Variants in ROR1 observed in about 807,000 individuals in gnomAD.
The protein encoded by ROR1 is inactive tyrosine-protein kinase transmembrane receptor ROR1.
A neutral mutation model predicts 78.8 loss-of-function variants in ROR1; 19 were observed. The ratio of observed to expected loss-of-function variants is 0.24; its 90% CI spans 0.17 to 0.35. The LOEUF (loss-of-function observed/expected upper bound fraction) is 0.35, where lower values mean the gene tolerates loss of function less well. Among genes scored for constraint, ROR1 ranks in the 10% least tolerant of loss-of-function variants. The probability of loss-of-function intolerance (pLI) is 1.00; values close to 1 mark genes in which losing one functional copy is unlikely to be tolerated. For synonymous variants in ROR1, 386 were observed against 433.6 expected (o/e 0.89, Z 1.36); for missense variants, 917 against 1,177.8 (o/e 0.78, Z 3.24).
intron 1 of ROR1, among the ~76,000 whole-genome samples, chr1:63,836,467 C>G (rs1007556070): frequency 6.6e-6 from 1 of 152,064 alleles, no homozygotes; most frequent in Non-Finnish European, 1.5e-5. Context: ...TTTTCCTATA[C>G]CCAGTTTCTT....
chr1:64,087,490 A>AC (rs1270701260), intron 4 of ROR1, among the ~76,000 whole-genome samples: 32 of 152,198 alleles, frequency 2.1e-4, no homozygotes, highest in Admixed American at 1.9e-3. Context: ...GCCACCAGGG[A>AC]CCCTGGTAAC....
intron 4 of ROR1, among the ~76,000 whole-genome samples, chr1:64,093,629 C>T (rs1466565916): frequency 6.6e-6 from 1 of 152,018 alleles, no homozygotes; most frequent in Non-Finnish European, 1.5e-5. Flanking sequence ...CTAGGGAACC[C>T]TTGGCCTCCC....
intron 4 of ROR1, among the ~76,000 whole-genome samples, chr1:64,053,344 A>C (rs1471144477): frequency 6.6e-6 from 1 of 152,206 alleles, no homozygotes; most frequent in Non-Finnish European, 1.5e-5. Context: ...CCTTGGGACT[A>C]TGGCCCAGAA....
At chr1:63,842,853 C>G (rs904577511) in intron 1 of ROR1, among the ~76,000 whole-genome samples, 1 of 151,392 alleles carries the variant, frequency 6.6e-6, no homozygotes, top group Admixed American at 6.6e-5. Flanking sequence ...TAGAAGTTGG[C>G]AGCATGGGAA....
chr1:64,170,418 A>G (rs1017746777), intron 8 of ROR1, among the ~76,000 whole-genome samples: 3 of 152,122 alleles, frequency 2.0e-5, no homozygotes, highest in African/African-American at 7.2e-5. Flanking sequence ...AGTGGCTGGG[A>G]CACAGGGCAC....
intron 1 of ROR1, among the ~76,000 whole-genome samples, chr1:63,939,259 T>C (rs1358332680): frequency 6.6e-6 from 1 of 152,116 alleles, no homozygotes; most frequent in African/African-American, 2.4e-5. Context: ...AAAATCCCCA[T>C]GCCCAGGTCA....
At chr1:63,852,412 C>A (rs1395531264) in intron 1 of ROR1, among the ~76,000 whole-genome samples, 1 of 152,230 alleles carries the variant, frequency 6.6e-6, no homozygotes, top group Admixed American at 6.5e-5. Context: ...CCCTCTTTCG[C>A]ACAACAGCCT....
chr1:63,986,134 G>T (rs1646249812), intron 1 of ROR1, among the ~76,000 whole-genome samples: 1 of 151,916 alleles, frequency 6.6e-6, no homozygotes, highest in Non-Finnish European at 1.5e-5. Flanking sequence ...GGTATAGAGG[G>T]GTGCATGACT....
In ROR1 at chr1:63,925,861, G is replaced by A. The variant is rs1394746189; in HGVS notation, c.92-83444G>A. On this transcript the variant is annotated intron_variant, in intron 1 of 8. Transcript: ENST00000371079. Reference sequence around the variant, plus strand: ...CCATCGCCCACTTTTTGATGGGGTTGTTTGTTTTTTTCTTGTAAATTTGTT... The same window carrying A: ...CCATCGCCCACTTTTTGATGGGGTTATTTGTTTTTTTCTTGTAAATTTGTT... 2.1e-3 allele frequency among the ~76,000 whole-genome samples: 321 copies of A among 151,394 alleles called. 1 individual carries two copies. Among genetic ancestry groups the A allele is most frequent in the African/African-American group, 7.3e-3 (301 of 41,112 alleles).
Position 64,089,216 on chromosome 1 carries a change from A to AT in ROR1, c.482+38511dup, listed in dbSNP as rs11304354. Among the ~76,000 whole-genome samples the AT allele has an allele frequency of 2.0e-3, 297 of 149,984 alleles. 1 individual carries two copies. Among genetic ancestry groups the AT allele is most frequent in the Non-Finnish European group, 3.1e-3 (207 of 67,494 alleles). The stretch of plus-strand genomic sequence containing the variant: ...ATAATAGTAAAATAATCGAACCAGT[A>AT]TTTTTTTTTTTGAGACATGGTCTCA... On this transcript the variant is annotated intron_variant, in intron 4 of 8. Coordinates refer to ENST00000371079, the MANE Select transcript of ROR1 (RefSeq NM_005012.4).
chr1:63,958,804 G>A (rs1646004377), intron 1 of ROR1, among the ~76,000 whole-genome samples: 1 of 152,126 alleles, frequency 6.6e-6, no homozygotes, highest in Non-Finnish European at 1.5e-5. Flanking sequence ...AAGGGTAAAG[G>A]ACAAATGAAG....
chr1:64,156,507 G>A (rs1649775164), intron 7 of ROR1, among the ~76,000 whole-genome samples: 1 of 152,088 alleles, frequency 6.6e-6, no homozygotes, highest in Non-Finnish European at 1.5e-5. Flanking sequence ...AAGAGATCGA[G>A]ACCATCCTGG....
chr1:63,848,080 C>G (rs1342906772), intron 1 of ROR1, among the ~76,000 whole-genome samples: 3 of 152,206 alleles, frequency 2.0e-5, no homozygotes, highest in Non-Finnish European at 4.4e-5. Context: ...GATACCTGGA[C>G]TTACGGATTG....
chr1:64,116,240 A>G (rs1029795726), intron 4 of ROR1, among the ~76,000 whole-genome samples: 2 of 152,200 alleles, frequency 1.3e-5, no homozygotes, highest in East Asian at 1.9e-4. Flanking sequence ...TCCTCAGATC[A>G]AAAAGCATTT....
At chr1:64,017,903 A>G (rs1646534185) in intron 2 of ROR1, among the ~76,000 whole-genome samples, 1 of 152,192 alleles carries the variant, frequency 6.6e-6, no homozygotes, top group Non-Finnish European at 1.5e-5. Flanking sequence ...CTCCCTTGGT[A>G]CTATTTTCAG....
chr1:64,063,587 T>G (rs1240879817), intron 4 of ROR1, among the ~76,000 whole-genome samples: 1 of 152,096 alleles, frequency 6.6e-6, no homozygotes, highest in East Asian at 1.9e-4. Context: ...TTTTAAAAAT[T>G]AAAGATCATC....
intron 4 of ROR1, among the ~76,000 whole-genome samples, chr1:64,108,856 C>G (rs959995256): frequency 3.9e-5 from 6 of 152,186 alleles, no homozygotes; most frequent in Admixed American, 3.9e-4. Flanking sequence ...GTCACCCTTA[C>G]AGGGTCGTAA....
intron 1 of ROR1, among the ~76,000 whole-genome samples, chr1:63,958,375 G>A (rs992523740): frequency 1.3e-5 from 2 of 151,972 alleles, no homozygotes; most frequent in African/African-American, 4.8e-5. Flanking sequence ...TTGACAACGA[G>A]AACATAGGAT....
intron 1 of ROR1, among the ~76,000 whole-genome samples, chr1:63,865,094 A>G (rs1471225819): frequency 1.3e-5 from 2 of 152,216 alleles, no homozygotes; most frequent in African/African-American, 4.8e-5. Flanking sequence ...ACAAACATAC[A>G]TATACATTTT....
Sources: allele counts gnomAD v4.1 joint callset (sites outside exome capture counted in the v4.1 genomes callset), GRCh38; gene constraint gnomAD v4.1.1; transcripts MANE v1.5; gene names NCBI Gene and HGNC (gene_info 2026-07-23, HGNC 2026-07-21).